The following AFAP1L2 variants were observed in gnomAD, a reference collection of about 807,000 sequenced individuals.
The protein encoded by AFAP1L2 is actin filament-associated protein 1-like 2.
In AFAP1L2, 46 loss-of-function variants were observed where a neutral mutation model predicts 99.3. The observed-to-expected ratio is 0.46, with a 90% CI of 0.37 to 0.59. AFAP1L2 has a LOEUF of 0.59. Among genes scored for constraint, AFAP1L2 ranks in the 20% least tolerant of loss-of-function variants. The pLI, the probability that AFAP1L2 is intolerant of heterozygous loss-of-function variation, is 0.00. For missense variants in AFAP1L2, 959 were observed against 1,034.9 expected (o/e 0.93, Z 1.01); for synonymous variants, 397 against 419.1 (o/e 0.95, Z 0.64).
intron 1 of AFAP1L2, 140 bp from the exon 2 acceptor site, chr10:114,340,871 G>T (rs559264079): frequency 4.5e-5 from 54 of 1,190,094 alleles, no homozygotes; most frequent in African/African-American, 9.0e-5. Context: ...GTCTGGCAGC[G>T]TATGGGGGGA....
At chr10:114,289,766 GA>G in the AFAP1L2 span, 1 of 496,788 alleles carries the variant, frequency 2.0e-6, no homozygotes. Context: ...CACACTTTTA[GA>G]ATATCCACAA....
chr10:114,366,837 G>A (rs575195567), intron 1 of AFAP1L2, among the ~76,000 whole-genome samples: 11 of 152,190 alleles, frequency 7.2e-5, no homozygotes, highest in South Asian at 6.2e-4. Context: ...GCGTGGTGTC[G>A]CGCGCCTTTA....
chr10:114,291,607 C>A, downstream of AFAP1L2: 1 of 221,360 alleles, frequency 4.5e-6, no homozygotes, highest in Non-Finnish European at 9.0e-6. Flanking sequence ...GCCTGACGTT[C>A]CTTTGCACAC....
At chr10:114,367,442 C>T (rs184406125) in intron 1 of AFAP1L2, among the ~76,000 whole-genome samples, 1 of 152,300 alleles carries the variant, frequency 6.6e-6, no homozygotes, top group East Asian at 1.9e-4. Context: ...GCTGTCTCCA[C>T]TGCCCACCCC....
At chr10:114,324,056 C>T (rs535121856) in intron 4 of AFAP1L2, among the ~76,000 whole-genome samples, 1 of 152,322 alleles carries the variant, frequency 6.6e-6, no homozygotes, top group African/African-American at 2.4e-5. Context: ...GTGTCAGAAG[C>T]ACAGAACGTG....
In AFAP1L2 at chr10:114,313,925, G is replaced by A. The variant is rs11196688; in HGVS notation, c.738C>T (p.Ala246=). Residue 246 remains alanine (A), a synonymous_variant, in exon 7 of 19, where the codon GCC becomes GCT. Transcript: ENST00000304129. ...EHKLKITPMN[A]DVIVLGLQSK... The stretch of plus-strand genomic sequence containing the variant: ...TCTGCAGGCCCAGCACAATCACATC[G>A]GCATTCATCGGCGTGATCTTCAGCT... The A allele has an allele frequency of 3.3e-4, 525 of 1,613,840 alleles. 3 individuals carry two copies. In the African/African-American group the frequency reaches 5.8e-3, roughly 18 times the overall value.
chr10:114,404,919 CA>C (rs2058576582), upstream of AFAP1L2, among the ~76,000 whole-genome samples: 1 of 152,138 alleles, frequency 6.6e-6, no homozygotes, highest in Non-Finnish European at 1.5e-5. Flanking sequence ...GACCGAGGTC[CA>C]AGCTAGGAGG....
chr10:114,332,550 A>G (rs2047393354), intron 3 of AFAP1L2, among the ~76,000 whole-genome samples: 3 of 151,972 alleles, frequency 2.0e-5, no homozygotes. Flanking sequence ...CTGTGTTCCC[A>G]CCCCTCTCTA....
Position 114,404,478 on chromosome 10 carries a change from C to G in AFAP1L2, c.-23G>C, listed in dbSNP as rs1410794559. The G allele has an allele frequency of 2.0e-6, 3 of 1,535,652 alleles. No homozygotes were observed. Among genetic ancestry groups the G allele is most frequent in the Non-Finnish European group, 2.6e-6 (3 of 1,144,232 alleles). On this transcript the variant is annotated 5_prime_UTR_variant, in exon 1 of 19. Coordinates refer to ENST00000304129, the MANE Select transcript of AFAP1L2 (RefSeq NM_001001936.3). ...CATCGGGGCCACGGAGTGCGCTCCT[C>G]GCGGCTCGGCTTCTGCGCTGCTCTC...
the AFAP1L2 span, among the ~76,000 whole-genome samples, chr10:114,281,936 A>T: frequency 1.3e-5 from 2 of 152,048 alleles, no homozygotes; most frequent in African/African-American, 4.8e-5. Flanking sequence ...AAAGTAACTT[A>T]TAATAAAAAG....
At chr10:114,390,635 C>A (rs960323405) in intron 1 of AFAP1L2, among the ~76,000 whole-genome samples, 1 of 148,706 alleles carries the variant, frequency 6.7e-6, no homozygotes, top group African/African-American at 2.5e-5. Flanking sequence ...GTAGGAGAAT[C>A]GCTTGAACCT....
At chr10:114,360,834 G>A (rs867346199) in intron 1 of AFAP1L2, among the ~76,000 whole-genome samples, 21 of 152,242 alleles carry the variant, frequency 1.4e-4, no homozygotes, top group Middle Eastern at 3.4e-3. Context: ...TTGGGGTTGA[G>A]GGTCAGAAGT....
chr10:114,313,626 A>C (rs1223163510), intron 7 of AFAP1L2, among the ~76,000 whole-genome samples: 1 of 152,184 alleles, frequency 6.6e-6, no homozygotes, highest in Admixed American at 6.5e-5. Flanking sequence ...GGGATGCCTC[A>C]CTAAAGGCAA....
At position 114,315,671 on chromosome 10, in the gene AFAP1L2, C is replaced by T. The variant is rs1346875229; in HGVS notation, c.501G>A (p.Glu167=). The change falls in exon 6 of 19, where the codon GAG becomes GAA. Residue 167 remains glutamate, a synonymous_variant. Transcript: ENST00000304129. ...KSAPYQWPSP[E]AGIELMRDAR... ...CGTCACGCATCAGCTCGATGCCGGC[C>T]TCCGGCGAGGGCCACTGGTAAGGGG... 2 of 1,613,898 alleles carry T rather than the reference C, an allele frequency of 1.2e-6. No homozygotes were observed. Among genetic ancestry groups the T allele is most frequent in the Non-Finnish European group, 1.7e-6 (2 of 1,179,996 alleles).
intron 5 of AFAP1L2, among the ~76,000 whole-genome samples, chr10:114,316,437 ACCTCCACTCATAC>A (rs1303725270): frequency 2.0e-5 from 3 of 152,156 alleles, no homozygotes; most frequent in African/African-American, 7.2e-5. Flanking sequence ...CCTTCTTCAA[ACCTCCACTCATAC>A]CCTCCACAGA....
intron 4 of AFAP1L2, among the ~76,000 whole-genome samples, chr10:114,325,106 A>G (rs1194267131): frequency 6.6e-6 from 1 of 152,190 alleles, no homozygotes; most frequent in Non-Finnish European, 1.5e-5. Context: ...CTTGATTTCA[A>G]TCCGGGCTTC....
At chr10:114,361,098 C>T (rs1175752005) in intron 1 of AFAP1L2, among the ~76,000 whole-genome samples, 1 of 152,096 alleles carries the variant, frequency 6.6e-6, no homozygotes, top group African/African-American at 2.4e-5. Context: ...AGGAAAACTC[C>T]CCCCTTATAA....
At chr10:114,352,639 A>G (rs2050711168) in intron 1 of AFAP1L2, among the ~76,000 whole-genome samples, 1 of 152,212 alleles carries the variant, frequency 6.6e-6, no homozygotes, top group Non-Finnish European at 1.5e-5. Context: ...ACTGAGAATG[A>G]ACGAGTGAAG....
the AFAP1L2 span, among the ~76,000 whole-genome samples, chr10:114,281,964 G>A: frequency 3.9e-5 from 6 of 151,958 alleles, no homozygotes; most frequent in Non-Finnish European, 7.4e-5. Context: ...TACAGTTTGG[G>A]GTTTTGCATG....
Sources: gnomAD v4.1 joint callset for allele counts (sites outside exome capture counted in the v4.1 genomes callset) on GRCh38, gnomAD v4.1.1 for gene constraint, MANE v1.5 for transcripts, NCBI Gene and HGNC (gene_info 2026-07-23, HGNC 2026-07-21) for gene names.